PGBD2: variants seen among roughly 807,000 people sequenced by gnomAD.
PGBD2 encodes the protein piggyBac transposable element derived 2.
A neutral mutation model predicts 8.1 loss-of-function variants in PGBD2; 6 were observed. That is an observed-to-expected ratio of 0.74 (90% confidence interval 0.40 to 1.46). The LOEUF (loss-of-function observed/expected upper bound fraction) is 1.46, where lower values mean the gene tolerates loss of function less well. Ranked by LOEUF, PGBD2 falls within the 40% of genes most tolerant of loss-of-function variation. The pLI, the probability that PGBD2 is intolerant of heterozygous loss-of-function variation, is 0.02. For missense variants in PGBD2, 802 were observed against 739.0 expected (o/e 1.09, Z -0.99); for synonymous variants, 318 against 272.2 (o/e 1.17, Z -1.66).
In PGBD2 at chr1:248,911,533, G is replaced by A. The variant is rs543035388; in HGVS notation, c.-47-2283G>A. 2.6e-3 allele frequency among the ~76,000 whole-genome samples: 371 copies of A among 140,904 alleles called. 12 individuals carry two copies. The highest frequency in any genetic ancestry group is 9.2e-3 in the South Asian group (44 of 4,800). The allele number at this position is 140,904 out of a possible 152,430, so 92.4% of individuals were successfully genotyped here. A position where few individuals can be genotyped will look rare whatever the true frequency, so the allele number is the denominator to read the frequency against. Reference sequence around the variant, plus strand: ...TGTCTACTTCTTTCTACACAGACACGGCAACCATCCGATTTCTCAATCTTT... The same window carrying A: ...TGTCTACTTCTTTCTACACAGACACAGCAACCATCCGATTTCTCAATCTTT... On this transcript the variant is annotated intron_variant, in intron 1 of 2. Transcript: ENST00000329291.
chr1:248,914,503 G>C, intron 2 of PGBD2: 1 of 1,289,222 alleles, frequency 7.8e-7, no homozygotes, highest in Non-Finnish European at 1.0e-6. Context: ...TCAGTCTCCA[G>C]GAAGTGAGGT....
chr1:248,929,670 T>C, the PGBD2 span, among the ~76,000 whole-genome samples: 1 of 152,190 alleles, frequency 6.6e-6, no homozygotes, highest in South Asian at 2.1e-4. Flanking sequence ...GACACCATCA[T>C]CATTAGTCTT....
At chr1:248,894,444 A>C in the PGBD2 span, among the ~76,000 whole-genome samples, 2 of 152,100 alleles carry the variant, frequency 1.3e-5, no homozygotes, top group African/African-American at 4.8e-5. Context: ...ATTTTTGTGT[A>C]TGGTGTAAGA....
intron 1 of PGBD2, among the ~76,000 whole-genome samples, chr1:248,909,898 C>T (rs1361436261): frequency 6.6e-6 from 1 of 152,150 alleles, no homozygotes; most frequent in African/African-American, 2.4e-5. Context: ...AGGCTGGGGA[C>T]CAGGCTGTGA....
rs1255748797 is a variant in PGBD2 at position 248,919,060 on chromosome 1, T to C, written c.*697T>C. ...ATCAGGGTAAATGGGGTATCCATCT[T>C]GTCAAACACTTGTCCTTTGTGTTTC... is the stretch of plus-strand genomic sequence containing the variant. On this transcript the variant is annotated 3_prime_UTR_variant, in exon 3 of 3. Transcript: ENST00000329291. 1 of 167,086 alleles carries C rather than the reference T, an allele frequency of 6.0e-6. No individual in the cohort carries two copies. The highest frequency in any genetic ancestry group is 1.9e-4 in the East Asian group (1 of 5,208). 10.4% of individuals were successfully genotyped at this position (167,086 alleles called of 1,614,324 possible). A position where few individuals can be genotyped will look rare whatever the true frequency, so the allele number is the denominator to read the frequency against.
chr1:248,894,236 A>G, the PGBD2 span, among the ~76,000 whole-genome samples: 1 of 152,064 alleles, frequency 6.6e-6, no homozygotes, highest in African/African-American at 2.4e-5. Context: ...TGTAATGCTG[A>G]AACTTTTTAG....
chr1:248,880,976 G>A, the PGBD2 span, among the ~76,000 whole-genome samples: 1 of 152,052 alleles, frequency 6.6e-6, no homozygotes, highest in Non-Finnish European at 1.5e-5. Flanking sequence ...TTAGTGACTT[G>A]TAGCATGATG....
the PGBD2 span, among the ~76,000 whole-genome samples, chr1:248,886,070 G>C: frequency 6.6e-6 from 1 of 152,110 alleles, no homozygotes; most frequent in Non-Finnish European, 1.5e-5. Flanking sequence ...GATATTTTGT[G>C]CAAATAATGG....
chr1:248,874,160 G>C, the PGBD2 span, among the ~76,000 whole-genome samples: 1 of 152,168 alleles, frequency 6.6e-6, no homozygotes. Flanking sequence ...AATGTTGCGA[G>C]AAAACCGCAT....
chr1:248,914,625 T>C, intron 2 of PGBD2: 1 of 1,284,506 alleles, frequency 7.8e-7, no homozygotes, highest in Non-Finnish European at 1.0e-6. Flanking sequence ...GGTCCTCACG[T>C]AGAGGTTGGG....
chr1:248,926,049 G>A, the PGBD2 span, among the ~76,000 whole-genome samples: 1 of 151,958 alleles, frequency 6.6e-6, no homozygotes, highest in African/African-American at 2.4e-5. Context: ...ACCCTCCCCA[G>A]CCGCCTCTCC....
At chr1:248,875,025 C>T in the PGBD2 span, among the ~76,000 whole-genome samples, 1 of 152,184 alleles carries the variant, frequency 6.6e-6, no homozygotes, top group South Asian at 2.1e-4. Context: ...TGGCCTGGCG[C>T]GGTGGCTGAC....
chr1:248,909,079 T>C (rs1396883659), intron 1 of PGBD2, among the ~76,000 whole-genome samples: 1 of 152,218 alleles, frequency 6.6e-6, no homozygotes, highest in Non-Finnish European at 1.5e-5. Flanking sequence ...GAAAAAGTGA[T>C]AGTGTGGCTG....
the PGBD2 span, among the ~76,000 whole-genome samples, chr1:248,896,084 G>T: frequency 8.5e-5 from 13 of 152,118 alleles, 1 homozygote; most frequent in South Asian, 1.5e-3. Context: ...CATCCTCATA[G>T]CTTAGCTCCC....
At chr1:248,887,663 G>A in the PGBD2 span, among the ~76,000 whole-genome samples, 1 of 152,136 alleles carries the variant, frequency 6.6e-6, no homozygotes, top group Non-Finnish European at 1.5e-5. Context: ...GGAAGGCAAT[G>A]GCTTTGTAAA....
the PGBD2 span, among the ~76,000 whole-genome samples, chr1:248,884,549 A>C: frequency 6.6e-6 from 1 of 152,044 alleles, no homozygotes. Flanking sequence ...GTTTCACCCT[A>C]TCAGCCAGGA....
At chr1:248,889,375 A>T in the PGBD2 span, among the ~76,000 whole-genome samples, 1 of 152,004 alleles carries the variant, frequency 6.6e-6, no homozygotes. Context: ...ACGGAGCGAG[A>T]CTTCTCCGTC....
chr1:248,903,965 G>A (rs6587762), upstream of PGBD2, among the ~76,000 whole-genome samples: 31,443 of 152,032 alleles, frequency 0.21, 9,391 homozygotes, highest in African/African-American at 0.66. Flanking sequence ...TATATGTAAA[G>A]TCTCACCCCA....
chr1:248,898,281 T>C, the PGBD2 span, among the ~76,000 whole-genome samples: 2 of 152,170 alleles, frequency 1.3e-5, no homozygotes, highest in African/African-American at 4.8e-5. Context: ...CCTGACTGAA[T>C]GAGACCTCCC....
Sources: allele counts gnomAD v4.1 joint callset (sites outside exome capture counted in the v4.1 genomes callset), GRCh38; gene constraint gnomAD v4.1.1; transcripts MANE v1.5; gene names NCBI Gene and HGNC (gene_info 2026-07-23, HGNC 2026-07-21).